The following GRM1 variants were observed in gnomAD, a reference collection of about 807,000 sequenced individuals.
GRM1 encodes glutamate metabotropic receptor 1, also known as metabotropic glutamate receptor 1.
GRM1 carries 33 observed loss-of-function variants against 90.9 expected under a neutral mutation model. The observed-to-expected ratio is 0.36, with a 90% confidence interval of 0.28 to 0.49. The LOEUF is 0.49. GRM1 is among the 20% of genes least tolerant of loss of function. The probability of loss-of-function intolerance (pLI) is 0.99; values close to 1 mark genes in which losing one functional copy is unlikely to be tolerated. For synonymous variants in GRM1, 700 were observed against 613.2 expected, an observed-to-expected ratio of 1.14 and a Z score of -2.09; for missense variants, 1,190 against 1,534.3, an observed-to-expected ratio of 0.78 and a Z score of 3.75.
chr6:146,112,424 T>C lies in GRM1; in HGVS notation c.701-46924T>C, dbSNP rs780289123. On this transcript the variant is annotated intron_variant, in intron 1 of 7. Coordinates refer to ENST00000282753, the MANE Select transcript of GRM1 (RefSeq NM_001278064.2). ...AGATAAGCAGAACTAGTGAGTTCTCTATTGAGATACATACTGTTACTTAGA... is the reference window on the plus strand; with the variant it reads ...AGATAAGCAGAACTAGTGAGTTCTCCATTGAGATACATACTGTTACTTAGA... 6.6e-5 allele frequency among the ~76,000 whole-genome samples: 10 copies of C among 152,156 alleles called. 1 individual carries two copies. Among genetic ancestry groups the C allele is most frequent in the Admixed American group, 6.6e-4 (10 of 15,266 alleles).
intron 7 of GRM1, among the ~76,000 whole-genome samples, chr6:146,414,284 A>G (rs1163104391): frequency 6.6e-6 from 1 of 151,862 alleles, no homozygotes; most frequent in Admixed American, 6.6e-5. Flanking sequence ...AATGATCTTG[A>G]GAGTCTTTTT....
At chr6:146,173,973 C>T (rs1279010439) in intron 2 of GRM1, among the ~76,000 whole-genome samples, 2 of 151,996 alleles carry the variant, frequency 1.3e-5, no homozygotes, top group Non-Finnish European at 2.9e-5. Context: ...GAGGTTCTTA[C>T]TCAGAGTTGT....
intron 5 of GRM1, among the ~76,000 whole-genome samples, chr6:146,372,039 T>A (rs1010248037): frequency 1.3e-5 from 2 of 152,128 alleles, no homozygotes; most frequent in African/African-American, 4.8e-5. Flanking sequence ...AACTCCAAAC[T>A]ATTCTCCATA....
intron 6 of GRM1, among the ~76,000 whole-genome samples, chr6:146,392,444 T>C (rs1190794290): frequency 6.6e-6 from 1 of 152,212 alleles, no homozygotes; most frequent in Non-Finnish European, 1.5e-5. Flanking sequence ...TCTACAAGTC[T>C]TCTGAATCTT....
At chr6:146,130,242 TC>T (rs1776347024) in intron 1 of GRM1, among the ~76,000 whole-genome samples, 1 of 102,518 alleles carries the variant, frequency 9.8e-6, no homozygotes, top group African/African-American at 3.7e-5. Flanking sequence ...CCTCCCTCCC[TC>T]CCTCCCTCCC....
At chr6:146,160,358 GT>G (rs1202195157) in intron 2 of GRM1, among the ~76,000 whole-genome samples, 2 of 152,176 alleles carry the variant, frequency 1.3e-5, no homozygotes, top group African/African-American at 4.8e-5. Context: ...ACGTGTACTT[GT>G]TTGGCAATAG....
At chr6:146,089,490 C>T (rs1242404634) in intron 1 of GRM1, among the ~76,000 whole-genome samples, 1 of 152,098 alleles carries the variant, frequency 6.6e-6, no homozygotes, top group Admixed American at 6.6e-5. Context: ...CTTCAAGTCA[C>T]CACATTTGTG....
intron 3 of GRM1, among the ~76,000 whole-genome samples, chr6:146,351,129 C>T (rs2115038956): frequency 6.6e-6 from 1 of 152,274 alleles, no homozygotes; most frequent in Middle Eastern, 3.4e-3. Context: ...TAGTCTTAGC[C>T]TGGGAACCTT....
chr6:146,429,071 T>A (rs193056490), intron 7 of GRM1, among the ~76,000 whole-genome samples: 1 of 152,270 alleles, frequency 6.6e-6, no homozygotes, highest in Non-Finnish European at 1.5e-5. Context: ...GGATGTAGGA[T>A]GTAATTGATC....
intron 2 of GRM1, among the ~76,000 whole-genome samples, chr6:146,249,401 G>C (rs185118727): frequency 6.6e-6 from 1 of 152,054 alleles, no homozygotes; most frequent in Admixed American, 6.6e-5. Flanking sequence ...TTGGTGTCCC[G>C]CATCCCCGCG....
chr6:146,129,003 T>C (rs753241147), intron 1 of GRM1, among the ~76,000 whole-genome samples: 25 of 152,300 alleles, frequency 1.6e-4, no homozygotes, highest in Non-Finnish European at 2.8e-4. Context: ...TAAATGACTT[T>C]TGAGAATAAA....
intron 1 of GRM1, among the ~76,000 whole-genome samples, chr6:146,049,822 A>G (rs962582940): frequency 3.3e-5 from 5 of 151,932 alleles, no homozygotes; most frequent in African/African-American, 9.7e-5. Context: ...ACACTGTGCA[A>G]TTGTTCAATG....
chr6:146,423,748 G>A (rs1213575135), intron 7 of GRM1, among the ~76,000 whole-genome samples: 1 of 152,140 alleles, frequency 6.6e-6, no homozygotes, highest in Non-Finnish European at 1.5e-5. Flanking sequence ...AAGTTGTCAA[G>A]GCATCCCCCC....
intron 1 of GRM1, among the ~76,000 whole-genome samples, chr6:146,066,282 T>C (rs148085523): frequency 6.6e-6 from 1 of 152,322 alleles, no homozygotes; most frequent in Non-Finnish European, 1.5e-5. Context: ...CTATGTATAC[T>C]CAGATTTTAG....
chr6:146,087,797 G>C (rs924211552), intron 1 of GRM1, among the ~76,000 whole-genome samples: 1 of 152,072 alleles, frequency 6.6e-6, no homozygotes, highest in Non-Finnish European at 1.5e-5. Context: ...TTGGTTGAAT[G>C]GTATTCCATC....
intron 5 of GRM1, among the ~76,000 whole-genome samples, chr6:146,377,570 G>C (rs979093533): frequency 2.6e-5 from 4 of 152,110 alleles, no homozygotes; most frequent in Non-Finnish European, 5.9e-5. Flanking sequence ...GAGGATAAAA[G>C]TTTGGAAGAT....
At chr6:146,234,694 T>G (rs182492804) in intron 2 of GRM1, among the ~76,000 whole-genome samples, 308 of 152,266 alleles carry the variant, frequency 2.0e-3, no homozygotes, top group African/African-American at 7.1e-3. Flanking sequence ...GTGACAATTA[T>G]CTTTTAGAAA....
chr6:146,305,576 G>T (rs141702984), intron 3 of GRM1, among the ~76,000 whole-genome samples: 292 of 152,248 alleles, frequency 1.9e-3, no homozygotes, highest in African/African-American at 6.7e-3. Flanking sequence ...ATGCTGCCAA[G>T]ATAAATCATC....
At chr6:146,044,824 A>T (rs1447217945) in intron 1 of GRM1, among the ~76,000 whole-genome samples, 1 of 151,978 alleles carries the variant, frequency 6.6e-6, no homozygotes, top group African/African-American at 2.4e-5. Flanking sequence ...TAATTTTTTG[A>T]AGTGCTTATA....
Sources: allele counts gnomAD v4.1 joint callset (sites outside exome capture counted in the v4.1 genomes callset), GRCh38; gene constraint gnomAD v4.1.1; transcripts MANE v1.5; gene names NCBI Gene and HGNC (gene_info 2026-07-23, HGNC 2026-07-21).